The following FBXO4 variants were observed in gnomAD, a reference collection of about 807,000 sequenced individuals.
The protein encoded by FBXO4 is F-box only protein 4.
A neutral mutation model predicts 43.7 loss-of-function variants in FBXO4; 36 were observed. The observed-to-expected ratio is 0.82, with a 90% CI of 0.63 to 1.09. The LOEUF (loss-of-function observed/expected upper bound fraction) is 1.09. FBXO4 is among the 50% of genes least tolerant of loss of function. The pLI, the probability that FBXO4 is intolerant of heterozygous loss-of-function variation, is 0.00. For synonymous variants in FBXO4, 180 were observed against 165.6 expected (o/e 1.09, Z -0.67); for missense variants, 435 against 474.1 (o/e 0.92, Z 0.77).
At chr5:41,974,396 T>C in the FBXO4 span, among the ~76,000 whole-genome samples, 15 of 152,214 alleles carry the variant, frequency 9.9e-5, no homozygotes, top group Non-Finnish European at 2.2e-4. Context: ...GATGCTCTCT[T>C]CTTGTTTTTT....
chr5:41,965,077 G>A, the FBXO4 span, among the ~76,000 whole-genome samples: 3 of 152,282 alleles, frequency 2.0e-5, no homozygotes, highest in African/African-American at 7.2e-5. Context: ...GTAAGGAAGG[G>A]ATCCAGTTTC....
the FBXO4 span, among the ~76,000 whole-genome samples, chr5:41,971,081 T>C: frequency 1.3e-5 from 2 of 152,020 alleles, no homozygotes; most frequent in Non-Finnish European, 2.9e-5. Flanking sequence ...TGGGGGAATT[T>C]TGAACATAGT....
chr5:41,973,164 A>G, the FBXO4 span, among the ~76,000 whole-genome samples: 1 of 152,240 alleles, frequency 6.6e-6, no homozygotes. Flanking sequence ...AATATTTTTG[A>G]AGTATACATC....
At chr5:42,040,338 C>T in the FBXO4 span, among the ~76,000 whole-genome samples, 32 of 152,042 alleles carry the variant, frequency 2.1e-4, no homozygotes, top group African/African-American at 6.0e-4. Flanking sequence ...CTGTTCTGTC[C>T]GCACTGTTTA....
downstream of FBXO4, among the ~76,000 whole-genome samples, chr5:41,945,791 T>G (rs1752069263): frequency 6.6e-6 from 1 of 152,116 alleles, no homozygotes; most frequent in Non-Finnish European, 1.5e-5. Context: ...CTTCTGAAAA[T>G]TTCTGGTCTA....
At chr5:42,033,182 TGG>T in the FBXO4 span, among the ~76,000 whole-genome samples, 3 of 152,096 alleles carry the variant, frequency 2.0e-5, no homozygotes, top group Non-Finnish European at 4.4e-5. Context: ...AGCCTGGGGT[TGG>T]GGGAGGGGTG....
the FBXO4 span, among the ~76,000 whole-genome samples, chr5:42,002,167 GCCAC>G: frequency 4.6e-5 from 7 of 152,024 alleles, no homozygotes; most frequent in Non-Finnish European, 7.4e-5. Context: ...CTGTAAACAG[GCCAC>G]CCAAAGTACT....
chr5:41,926,991 C>A (rs1209548597), intron 1 of FBXO4, 22 bp from the exon 2 acceptor site: 1 of 1,466,480 alleles, frequency 6.8e-7, no homozygotes, highest in African/African-American at 1.4e-5. Context: ...TTTTTCCTAC[C>A]TGCTGCTTTC....
the FBXO4 span, among the ~76,000 whole-genome samples, chr5:41,966,089 T>C: frequency 1.3e-5 from 2 of 152,050 alleles, no homozygotes; most frequent in South Asian, 2.1e-4. Flanking sequence ...TAGGTGGGAA[T>C]TGAACAATGA....
In FBXO4 at chr5:41,939,455, G is replaced by A. The variant is rs1474546476; in HGVS notation, c.913G>A (p.Asp305Asn). The change falls in exon 6 of 7, where the codon GAT becomes AAT. Residue 305 changes from aspartate (D) to asparagine (N), a missense_variant. Asp to Asn is a conservative substitution (Grantham distance 23, BLOSUM62 1). Transcript: ENST00000281623. ...ACATTCCTTAGGACATGAATGGCAA[G>A]ATGAATTTTCTCATATTATGGCAAT... ...AEAHKRHEWQ[D>N]EFSHIMAMTD... The A allele has an allele frequency of 1.9e-6, 3 of 1,609,742 alleles. No homozygotes were observed. The highest frequency in any genetic ancestry group is 2.5e-6 in the Non-Finnish European group (3 of 1,177,544).
At chr5:41,975,369 T>G in the FBXO4 span, among the ~76,000 whole-genome samples, 1 of 152,250 alleles carries the variant, frequency 6.6e-6, no homozygotes, top group African/African-American at 2.4e-5. Flanking sequence ...GTTGTTAGAA[T>G]GAGATCTCTC....
downstream of FBXO4, among the ~76,000 whole-genome samples, chr5:41,945,120 A>G (rs1236620524): frequency 6.6e-6 from 1 of 152,224 alleles, no homozygotes; most frequent in African/African-American, 2.4e-5. Context: ...AAGATAGTCA[A>G]TGAAGCACAA....
Position 41,939,429 on chromosome 5 carries a change from T to TA in FBXO4, c.899-11dup. Reference sequence around the variant, plus strand: ...GTAATGCAAATTAAGGGTTTTGACTTACATTCCTTAGGACATGAATGGCAA... The same window carrying TA: ...GTAATGCAAATTAAGGGTTTTGACTTAACATTCCTTAGGACATGAATGGCAA... On this transcript the variant is annotated splice_polypyrimidine_tract_variant and intron_variant, in intron 5 of 6. Transcript: ENST00000281623. The TA allele has an allele frequency of 6.3e-7, 1 of 1,585,118 alleles. No individual in the cohort carries two copies. The highest frequency in any genetic ancestry group is 8.6e-7 in the Non-Finnish European group (1 of 1,164,536).
chr5:41,957,108 C>T, the FBXO4 span, among the ~76,000 whole-genome samples: 1 of 152,036 alleles, frequency 6.6e-6, no homozygotes. Flanking sequence ...TTTACTATTA[C>T]TAGATTTCAT....
chr5:41,946,216 G>C (rs1480001067), downstream of FBXO4, among the ~76,000 whole-genome samples: 1 of 152,144 alleles, frequency 6.6e-6, no homozygotes, highest in Non-Finnish European at 1.5e-5. Flanking sequence ...CTGCCGATCT[G>C]CCTGGGAACA....
the FBXO4 span, among the ~76,000 whole-genome samples, chr5:42,028,714 G>A: frequency 1.3e-5 from 2 of 150,914 alleles, no homozygotes; most frequent in African/African-American, 2.4e-5. Context: ...TTTGGCTTGA[G>A]GTTACCATGA....
the FBXO4 span, among the ~76,000 whole-genome samples, chr5:41,949,836 A>C: frequency 6.6e-6 from 1 of 152,204 alleles, no homozygotes; most frequent in African/African-American, 2.4e-5. Flanking sequence ...TACAGTAACC[A>C]AAACAGCATG....
chr5:41,960,186 A>G, the FBXO4 span, among the ~76,000 whole-genome samples: 1 of 152,080 alleles, frequency 6.6e-6, no homozygotes, highest in African/African-American at 2.4e-5. Flanking sequence ...TAGAAATACT[A>G]CTGATTTCTG....
the FBXO4 span, among the ~76,000 whole-genome samples, chr5:41,993,767 T>C: frequency 6.6e-6 from 1 of 152,034 alleles, no homozygotes; most frequent in African/African-American, 2.4e-5. Flanking sequence ...GTTCCAAAAC[T>C]GAGGAACTTG....
Sources: gnomAD v4.1 joint callset for allele counts (sites outside exome capture counted in the v4.1 genomes callset) on GRCh38, gnomAD v4.1.1 for gene constraint, MANE v1.5 for transcripts, NCBI Gene and HGNC (gene_info 2026-07-23, HGNC 2026-07-21) for gene names.